The following GALNT12 variants were observed in gnomAD, a reference collection of about 807,000 sequenced individuals.
GALNT12 encodes the protein UDP-GalNAc:polypeptide N-acetylgalactosaminyltransferase 12.
GALNT12 carries 45 observed loss-of-function variants against 55.5 expected under a neutral mutation model. The observed-to-expected ratio is 0.81, with a 90% CI of 0.64 to 1.04. The LOEUF (loss-of-function observed/expected upper bound fraction) is 1.04. Among genes scored for constraint, GALNT12 ranks in the 50% least tolerant of loss-of-function variants. The pLI is 0.00. For synonymous variants in GALNT12, 304 were observed against 312.2 expected, an observed-to-expected ratio of 0.97 and a Z score of 0.28; for missense variants, 709 against 754.8, an observed-to-expected ratio of 0.94 and a Z score of 0.71.
chr9:98,808,443 C>T (rs574230167), intron 1 of GALNT12, among the ~76,000 whole-genome samples: 1 of 152,210 alleles, frequency 6.6e-6, no homozygotes, highest in Non-Finnish European at 1.5e-5. Context: ...GCGAAACTGA[C>T]AACTCCTCCG....
chr9:98,837,213 T>A, intron 6 of GALNT12, 65 bp downstream of exon 6: 1 of 1,480,926 alleles, frequency 6.8e-7, no homozygotes, highest in Non-Finnish European at 9.4e-7. Flanking sequence ...TAATCGTGGC[T>A]TCCCCAACAT....
chr9:98,830,991 G>A (rs919622125), intron 3 of GALNT12, among the ~76,000 whole-genome samples: 1 of 152,152 alleles, frequency 6.6e-6, no homozygotes, highest in Non-Finnish European at 1.5e-5. Context: ...TTCACACGTG[G>A]TCTAGTCTCA....
intron 1 of GALNT12, among the ~76,000 whole-genome samples, chr9:98,809,874 C>T (rs533322763): frequency 5.3e-5 from 8 of 152,312 alleles, no homozygotes; most frequent in Admixed American, 3.9e-4. Context: ...CGCAGCTGCC[C>T]TGTGTCCTCT....
chr9:98,847,922 C>T (rs184206378), intron 9 of GALNT12, among the ~76,000 whole-genome samples: 2 of 150,954 alleles, frequency 1.3e-5, no homozygotes, highest in Non-Finnish European at 2.9e-5. Flanking sequence ...AAGCGATTCT[C>T]CTGTCTCAGT....
At position 98,823,300 on chromosome 9, in the gene GALNT12, C is replaced by T; in HGVS notation, c.416C>T (p.Ser139Phe). Residue 139 changes from serine to phenylalanine, a missense_variant, in exon 2 of 10, where the codon TCT (serine) becomes TTT (phenylalanine). Ser to Phe is a radical substitution (Grantham distance 155). This residue lies in a region of GALNT12 where 315 missense variants were observed against 288.6 expected (regional missense o/e 1.09). Transcript: ENST00000375011. The part of the protein sequence containing the change: ...KYDYDNLPRT[S>F]VIIAFYNEAW... ...GATTATGATAATTTGCCCAGGACAT[C>T]TGTTATCATAGCATTTTATAATGAA... is the stretch of plus-strand genomic sequence containing the variant. The T allele has an allele frequency of 6.2e-7, 1 of 1,614,074 alleles. No homozygotes were observed. The highest frequency in any genetic ancestry group is 8.5e-7 in the Non-Finnish European group (1 of 1,179,888).
intron 7 of GALNT12, among the ~76,000 whole-genome samples, chr9:98,843,282 G>A (rs1836336643): frequency 6.6e-6 from 1 of 152,056 alleles, no homozygotes; most frequent in African/African-American, 2.4e-5. Context: ...CAGTACTACA[G>A]CTTAGAGTAT....
At position 98,828,300 on chromosome 9, in the gene GALNT12, T is replaced by C. The variant is rs1475423144; in HGVS notation, c.731+1359T>C. On this transcript the variant is annotated intron_variant, in intron 3 of 9. Coordinates refer to ENST00000375011, the MANE Select transcript of GALNT12 (RefSeq NM_024642.5). ...TCTTGTCAGCTGCAGGTTCTATAGC[T>C]GTCTCTTTCTCCTCCTCAGCTCTGA... Among the ~76,000 whole-genome samples, 2 of 152,216 alleles carry C rather than the reference T, an allele frequency of 1.3e-5. 1 individual carries two copies. Among genetic ancestry groups the C allele is most frequent in the East Asian group, 3.9e-4 (2 of 5,186 alleles).
chr9:98,845,939 G>T (rs1836401974), intron 8 of GALNT12, 38 bp from the exon 9 acceptor site: 2 of 1,611,268 alleles, frequency 1.2e-6, no homozygotes, highest in Non-Finnish European at 1.7e-6. Context: ...CACATCAGTG[G>T]AAAATGTTGT....
At chr9:98,848,920 T>C in intron 9 of GALNT12, 32 bp from the exon 10 acceptor site, 1 of 1,614,006 alleles carries the variant, frequency 6.2e-7, no homozygotes. Context: ...ACTTTTCTGA[T>C]GACTTGCCTG....
At chr9:98,826,700 C>A in intron 2 of GALNT12, 52 bp from the exon 3 acceptor site, 5 of 1,559,642 alleles carry the variant, frequency 3.2e-6, no homozygotes, top group Non-Finnish European at 4.4e-6. Context: ...TGGGATGAGG[C>A]GCTCCTCCGA....
intron 1 of GALNT12, among the ~76,000 whole-genome samples, chr9:98,812,316 A>C (rs934817490): frequency 3.3e-5 from 5 of 152,002 alleles, no homozygotes; most frequent in African/African-American, 1.2e-4. Flanking sequence ...CCAGGCCAGG[A>C]GTGGTGGCTC....
chr9:98,840,061 C>T lies in GALNT12; in HGVS notation c.1272C>T (p.Asp424=). The change falls in exon 7 of 10, where the codon GAC becomes GAT. Residue 424 remains aspartate (D), a synonymous_variant. Transcript: ENST00000375011. ...KQLRDKLQCK[D]FKWFLETVYP... is the part of the protein sequence containing the mutation. Reference sequence around the variant, plus strand: ...TCCGGGACAAGCTCCAGTGTAAAGACTTCAAGTGGTTCTTGGAGACTGTGT... The same window carrying T: ...TCCGGGACAAGCTCCAGTGTAAAGATTTCAAGTGGTTCTTGGAGACTGTGT... 6.2e-7 allele frequency: 1 copy of T among 1,614,210 alleles called. No individual in the cohort carries two copies. Among genetic ancestry groups the T allele is most frequent in the South Asian group, 1.1e-5 (1 of 91,084 alleles).
At chr9:98,824,453 C>G (rs199682949) in intron 2 of GALNT12, among the ~76,000 whole-genome samples, 2 of 152,204 alleles carry the variant, frequency 1.3e-5, no homozygotes, top group African/African-American at 4.8e-5. Context: ...CTCCACACAT[C>G]CCATTGAGCA....
intron 1 of GALNT12, among the ~76,000 whole-genome samples, chr9:98,816,682 G>A (rs929176773): frequency 2.0e-5 from 3 of 149,482 alleles, no homozygotes; most frequent in Admixed American, 2.0e-4. Context: ...TCAGGATCTG[G>A]CTCTGTCACC....
chr9:98,832,098 T>C, intron 4 of GALNT12, 141 bp downstream of exon 4: 1 of 725,190 alleles, frequency 1.4e-6, no homozygotes, highest in Non-Finnish European at 2.5e-6. Context: ...GCCCAGAGTA[T>C]TTGTTTATTT....
intron 2 of GALNT12, among the ~76,000 whole-genome samples, chr9:98,826,296 T>C (rs150497096): frequency 1.3e-5 from 2 of 152,356 alleles, no homozygotes; most frequent in Non-Finnish European, 2.9e-5. Flanking sequence ...GCTATTATTA[T>C]TGTTACTACT....
chr9:98,844,956 C>T (rs1836378783), intron 8 of GALNT12, among the ~76,000 whole-genome samples: 1 of 152,186 alleles, frequency 6.6e-6, no homozygotes, highest in East Asian at 1.9e-4. Flanking sequence ...TTATCAGACA[C>T]CAGGAAACAA....
chr9:98,830,545 T>C (rs1213012171), intron 3 of GALNT12, among the ~76,000 whole-genome samples: 1 of 152,246 alleles, frequency 6.6e-6, no homozygotes, highest in African/African-American at 2.4e-5. Context: ...AAATTAGGCT[T>C]TCTGTGGTTC....
chr9:98,816,192 A>G (rs997968961), intron 1 of GALNT12, among the ~76,000 whole-genome samples: 3 of 152,156 alleles, frequency 2.0e-5, no homozygotes, highest in African/African-American at 7.2e-5. Context: ...TATTCTGACT[A>G]TTTACTTAGG....
Sources: gnomAD v4.1 joint callset for allele counts (sites outside exome capture counted in the v4.1 genomes callset) on GRCh38, gnomAD v4.1.1 for gene constraint, gnomAD v4.1.1 regional missense constraint, MANE v1.5 for transcripts, NCBI Gene and HGNC (gene_info 2026-07-23, HGNC 2026-07-21) for gene names.